The following HPS5 variants were observed in gnomAD, a reference collection of about 807,000 sequenced individuals.
HPS5 encodes the protein HPS5 biogenesis of lysosomal organelles complex 2 subunit 2, also known as BLOC-2 complex member HPS5.
Under a neutral mutation model 128.0 loss-of-function variants are expected in HPS5, and 83 were observed. That is an observed-to-expected ratio of 0.65 (90% CI 0.54 to 0.78). The LOEUF is 0.78. HPS5 is among the 30% of genes least tolerant of loss of function. The probability of loss-of-function intolerance (pLI) is 0.00; values close to 1 mark genes in which losing one functional copy is unlikely to be tolerated. For missense variants in HPS5, 1,281 were observed against 1,326.2 expected (o/e 0.97, Z 0.53); for synonymous variants, 475 against 470.2 (o/e 1.01, Z -0.13).
At chr11:18,309,512 GATAAATAAA>G (rs1294174333) in intron 5 of HPS5, among the ~76,000 whole-genome samples, 6 of 151,514 alleles carry the variant, frequency 4.0e-5, no homozygotes, top group Non-Finnish European at 7.4e-5. Context: ...CCTGTCTCTA[GATAAATAAA>G]GTTTTGGAGT....
intron 22 of HPS5, chr11:18,280,580 T>C (rs1217188498): frequency 4.3e-6 from 3 of 700,926 alleles, no homozygotes; most frequent in African/African-American, 3.5e-5. Flanking sequence ...AAGACATATT[T>C]GTATACTCAT....
Position 18,295,078 on chromosome 11 carries a change from C to A in HPS5, c.1726G>T (p.Glu576Ter). The A allele has an allele frequency of 6.2e-7, 1 of 1,614,156 alleles. No individual in the cohort carries two copies. Among genetic ancestry groups the A allele is most frequent in the South Asian group, 1.1e-5 (1 of 91,082 alleles). Residue 576 changes from glutamate (E) to a stop codon, truncating the protein, a stop_gained, in exon 14 of 23, where the codon GAG (glutamate) becomes TAG (stop). Transcript: ENST00000349215. LOFTEE classifies it high-confidence loss of function. The stretch of plus-strand genomic sequence containing the variant: ...CTCACATCCTCTTCACATGATTGCT[C>A]ATCACCCCTGAGCTCTGGTCTCACT... ...LKVRPELRGD[E>*]QSCEEDVSSD...
At chr11:18,288,808 C>G (rs1860046330) in intron 16 of HPS5, among the ~76,000 whole-genome samples, 1 of 151,586 alleles carries the variant, frequency 6.6e-6, no homozygotes, top group African/African-American at 2.4e-5. Context: ...TGTGTGCACA[C>G]ATGCGCACAT....
intron 18 of HPS5, among the ~76,000 whole-genome samples, chr11:18,287,150 C>T (rs181261623): frequency 2.4e-4 from 36 of 152,188 alleles, no homozygotes; most frequent in Admixed American, 1.1e-3. Flanking sequence ...GTGTTACAAC[C>T]ATGGGGAGAC....
Position 18,279,330 on chromosome 11 carries a change from C to T in HPS5, c.*552G>A, listed in dbSNP as rs1239780977. ...GATTACAGGCCTGAGCCACTGCACC[C>T]AGTCCCATTTTACTTAAATATCAAA... On this transcript the variant is annotated 3_prime_UTR_variant, in exon 23 of 23. Transcript: ENST00000349215. 1 of 158,460 alleles carries T rather than the reference C, an allele frequency of 6.3e-6. No individual in the cohort carries two copies. The allele number at this position is 158,460 out of a possible 1,614,324, so 9.8% of individuals were successfully genotyped here.
intron 14 of HPS5, 71 bp downstream of exon 14, chr11:18,294,948 TG>T: frequency 6.5e-7 from 1 of 1,533,824 alleles, no homozygotes; most frequent in Middle Eastern, 1.8e-4. Flanking sequence ...TGCACAAGGT[TG>T]GTCTATGGCT....
At chr11:18,313,642 G>A (rs12577296) in intron 2 of HPS5, among the ~76,000 whole-genome samples, 15,214 of 152,208 alleles carry the variant, frequency 0.1, 1,095 homozygotes, top group East Asian at 0.26. Context: ...CAGGCCAGGC[G>A]CAGTGGCTCA....
chr11:18,310,895 C>A lies in HPS5; in HGVS notation c.323G>T (p.Arg108Leu), dbSNP rs201664625. 5.0e-5 allele frequency: 81 copies of A among 1,614,010 alleles called. No individual in the cohort carries two copies. Among genetic ancestry groups the A allele is most frequent in the Non-Finnish European group, 2.6e-5 (31 of 1,180,016 alleles). The change falls in exon 5 of 23, where the codon CGT becomes CTT. Residue 108 changes from arginine to leucine, a missense_variant. Coordinates refer to ENST00000349215, the MANE Select transcript of HPS5 (RefSeq NM_181507.2). Reference sequence around the variant, plus strand: ...ATACATTTGTTCCGGTTTCCCACGACGCTCTTGATTTAATTCCCAAACAAC... The same window carrying A: ...ATACATTTGTTCCGGTTTCCCACGAAGCTCTTGATTTAATTCCCAAACAAC... Reference protein sequence around the residue: ...LVVVWELNQERRGKPEQMYVS... With the variant: ...LVVVWELNQELRGKPEQMYVS...
chr11:18,319,718 A>G (rs544352318), intron 1 of HPS5, among the ~76,000 whole-genome samples: 7 of 152,324 alleles, frequency 4.6e-5, no homozygotes, highest in African/African-American at 1.2e-4. Flanking sequence ...GTTAGATGCT[A>G]GAAAACAAAG....
chr11:18,290,927 T>TA (rs1389630019), intron 16 of HPS5, among the ~76,000 whole-genome samples: 1 of 151,844 alleles, frequency 6.6e-6, no homozygotes, highest in Non-Finnish European at 1.5e-5. Context: ...TCTCTAAAAA[T>TA]AAAAAATAGG....
intron 15 of HPS5, among the ~76,000 whole-genome samples, 190 bp from the exon 16 acceptor site, chr11:18,292,209 CTT>C (rs5790031): frequency 1.8e-3 from 250 of 135,718 alleles, no homozygotes; most frequent in Admixed American, 1.8e-3. Flanking sequence ...TAGTGTTTTA[CTT>C]TTTTTTTTTT....
chr11:18,293,025 A>T, intron 14 of HPS5, 49 bp from the exon 15 acceptor site: 1 of 1,408,950 alleles, frequency 7.1e-7, no homozygotes, highest in Non-Finnish European at 9.7e-7. Flanking sequence ...GTTAGAGGGG[A>T]TCAGAGCTTT....
rs746420792 is a variant in HPS5 at position 18,317,822 on chromosome 11, G to A, written c.37C>T (p.His13Tyr). 6.2e-7 allele frequency: 1 copy of A among 1,613,694 alleles called. No individual in the cohort carries two copies. Among genetic ancestry groups the A allele is most frequent in the Non-Finnish European group, 8.5e-7 (1 of 1,179,744 alleles). ...FVPVIPESYSHVLAEFESLDP... is the reference protein window; with the variant it reads ...FVPVIPESYSYVLAEFESLDP... ...AGAGATTCAAACTCTGCAAGAACATGGCTGTAGGACTCTGGTATCACTGGC... is the reference window on the plus strand; with the variant it reads ...AGAGATTCAAACTCTGCAAGAACATAGCTGTAGGACTCTGGTATCACTGGC... The change falls in exon 2 of 23, where the codon CAT becomes TAT. Residue 13 changes from histidine (H) to tyrosine (Y), a missense_variant. By Grantham distance (83) the His-to-Tyr change is moderately conservative (BLOSUM62 2). Coordinates refer to ENST00000349215, the MANE Select transcript of HPS5 (RefSeq NM_181507.2).
chr11:18,301,094 T>G (rs910226658), intron 8 of HPS5, among the ~76,000 whole-genome samples, 178 bp from the exon 9 acceptor site: 5 of 152,180 alleles, frequency 3.3e-5, no homozygotes, highest in Non-Finnish European at 7.4e-5. Flanking sequence ...AACAGCCCAC[T>G]AATAAATAGC....
At chr11:18,321,768 T>C (rs577377651) in intron 1 of HPS5, among the ~76,000 whole-genome samples, 178 bp downstream of exon 1, 27 of 152,068 alleles carry the variant, frequency 1.8e-4, no homozygotes, top group Non-Finnish European at 3.8e-4. Context: ...CAAGAAGAAA[T>C]GATCAGAAAA....
rs1861235912 is a variant in HPS5, at chr11:18,297,688, C to T, written c.1194G>A (p.Leu398=). Residue 398 remains leucine, a synonymous_variant, in exon 11 of 23, where the codon TTG becomes TTA. Coordinates refer to ENST00000349215, the MANE Select transcript of HPS5 (RefSeq NM_181507.2). The part of the protein sequence containing the change: ...RARKTLTADK[L]EHLKSQLDHG... ...GGTCCAGCTGAGATTTCAAATGCTC[C>T]AATTTATCTGCAGTCAAAGTTTTTC... The T allele has an allele frequency of 1.9e-6, 3 of 1,613,924 alleles. No individual in the cohort carries two copies. The highest frequency in any genetic ancestry group is 2.7e-5 in the African/African-American group (2 of 74,932).
intron 13 of HPS5, among the ~76,000 whole-genome samples, 165 bp from the exon 14 acceptor site, chr11:18,295,334 A>C (rs1032866679): frequency 2.0e-5 from 3 of 152,234 alleles, no homozygotes; most frequent in African/African-American, 7.2e-5. Flanking sequence ...TATTTCACGT[A>C]TATAAACTTA....
At chr11:18,316,152 T>C (rs1415257658) in intron 2 of HPS5, among the ~76,000 whole-genome samples, 1 of 151,998 alleles carries the variant, frequency 6.6e-6, no homozygotes, top group Non-Finnish European at 1.5e-5. Context: ...AAAATTAGCC[T>C]GGCATGGTAT....
At position 18,311,961 on chromosome 11, in the gene HPS5, G is replaced by A. The variant is rs771441954; in HGVS notation, c.172C>T (p.Leu58Phe). Reference protein sequence around the residue: ...ALGSSGGGLHLIQKEGWKHRL... With the variant: ...ALGSSGGGLHFIQKEGWKHRL... ...TGCTTCCAGCCTTCTTTCTGAATGA[G>A]ATGGAGTCCTCCTCCTGAACTGCCC... Residue 58 changes from leucine to phenylalanine, a missense_variant, in exon 3 of 23, where the codon CTC (leucine) becomes TTC (phenylalanine). Transcript: ENST00000349215. The A allele has an allele frequency of 1.7e-5, 27 of 1,613,978 alleles. No homozygotes were observed. Among genetic ancestry groups the A allele is most frequent in the Non-Finnish European group, 2.3e-5 (27 of 1,179,954 alleles).
Sources: allele counts gnomAD v4.1 joint callset (sites outside exome capture counted in the v4.1 genomes callset), GRCh38; gene constraint gnomAD v4.1.1; transcripts MANE v1.5; gene names NCBI Gene and HGNC (gene_info 2026-07-23, HGNC 2026-07-21).